Variants in PDE10A observed in about 807,000 individuals in gnomAD.
The protein encoded by PDE10A is phosphodiesterase 10A.
In PDE10A, 39 loss-of-function variants were observed where a neutral mutation model predicts 97.7. That is an observed-to-expected ratio of 0.40 (90% CI 0.31 to 0.52). PDE10A has a LOEUF of 0.52. Ranked by LOEUF, PDE10A falls within the 20% of genes least tolerant of loss-of-function variation. The probability of loss-of-function intolerance (pLI) is 0.56; values close to 1 mark genes in which losing one functional copy is unlikely to be tolerated. For missense variants in PDE10A, 731 were observed against 1,047.8 expected (o/e 0.70, Z 4.17); for synonymous variants, 371 against 376.8 (o/e 0.98, Z 0.18).
In PDE10A at chr6:165,633,254, G is replaced by T. The variant is rs374372383; in HGVS notation, c.865+28693C>A. On this transcript the variant is annotated intron_variant, in intron 1 of 21. Transcript: ENST00000539869. ...AGCTTTACATTTTTAAATCTTCAAGGAGAGGCTTAAGGCATCAAGGAGAGA... is the reference window on the plus strand; with the variant it reads ...AGCTTTACATTTTTAAATCTTCAAGTAGAGGCTTAAGGCATCAAGGAGAGA... 2.6e-5 allele frequency among the ~76,000 whole-genome samples: 4 copies of T among 152,160 alleles called. No individual in the cohort carries two copies. The East Asian group carries it at 5.8e-4, about 22-fold the overall frequency.
chr6:165,987,382 A>G, intron 1 of PDE10A: 3 of 314,874 alleles, frequency 9.5e-6, no homozygotes, highest in South Asian at 8.1e-5. Context: ...CACACCACAC[A>G]CGCGCACACG....
intron 1 of PDE10A, among the ~76,000 whole-genome samples, chr6:165,716,047 G>A (rs939498305): frequency 3.3e-5 from 5 of 152,124 alleles, no homozygotes; most frequent in African/African-American, 7.2e-5. Flanking sequence ...CAATTAGAAC[G>A]GAGCTGTTCT....
At chr6:165,510,836 A>G (rs1781467423) in intron 2 of PDE10A, among the ~76,000 whole-genome samples, 1 of 151,842 alleles carries the variant, frequency 6.6e-6, no homozygotes, top group Non-Finnish European at 1.5e-5. Context: ...ACAGTTTATG[A>G]TGATCTTTTG....
chr6:165,765,059 T>G (rs1005228251), intron 1 of PDE10A, among the ~76,000 whole-genome samples: 2 of 152,200 alleles, frequency 1.3e-5, no homozygotes, highest in African/African-American at 4.8e-5. Context: ...ATACAGAGTG[T>G]GGATTGGTGC....
intron 2 of PDE10A, among the ~76,000 whole-genome samples, chr6:165,538,817 T>C (rs1783251737): frequency 6.6e-6 from 1 of 152,226 alleles, no homozygotes; most frequent in Non-Finnish European, 1.5e-5. Context: ...CTAATGTTTA[T>C]TTAATAATAT....
At chr6:165,824,968 TAAA>T (rs71890265) in intron 1 of PDE10A, among the ~76,000 whole-genome samples, 2 of 92,384 alleles carry the variant, frequency 2.2e-5, no homozygotes, top group East Asian at 3.2e-4. Context: ...CCGTCTCTAC[TAAA>T]AAAAAAAAAA....
intron 1 of PDE10A, among the ~76,000 whole-genome samples, chr6:165,824,212 G>T (rs1335419221): frequency 3.9e-5 from 6 of 152,164 alleles, no homozygotes; most frequent in African/African-American, 1.4e-4. Flanking sequence ...ACCTGTAATA[G>T]ATTACGTTCA....
chr6:165,956,778 G>T (rs1478133453), intron 1 of PDE10A, among the ~76,000 whole-genome samples: 2 of 152,208 alleles, frequency 1.3e-5, no homozygotes, highest in Non-Finnish European at 2.9e-5. Flanking sequence ...GTCAACCATG[G>T]TATGGAATCC....
intron 1 of PDE10A, among the ~76,000 whole-genome samples, chr6:165,584,365 C>T (rs2128358449): frequency 6.6e-6 from 1 of 152,254 alleles, no homozygotes; most frequent in East Asian, 1.9e-4. Context: ...GGAGGAGGTA[C>T]TTTTCTTCCC....
chr6:165,436,047 C>G (rs751581165), intron 5 of PDE10A, among the ~76,000 whole-genome samples: 5 of 152,026 alleles, frequency 3.3e-5, no homozygotes, highest in Non-Finnish European at 7.4e-5. Context: ...GTTATTTTGA[C>G]GAAATCCAAA....
chr6:165,478,453 T>G (rs1779419595), intron 3 of PDE10A, among the ~76,000 whole-genome samples: 2 of 152,108 alleles, frequency 1.3e-5, no homozygotes, highest in African/African-American at 4.8e-5. Context: ...CCTTTGAAAT[T>G]CAGGCACAGC....
chr6:165,328,736 A>T lies in PDE10A; in HGVS notation c.*4289T>A, dbSNP rs1035462596. 2 of 152,260 alleles carry T rather than the reference A, an allele frequency of 1.3e-5. No individual in the cohort carries two copies. Among genetic ancestry groups the T allele is most frequent in the Non-Finnish European group, 2.9e-5 (2 of 68,042 alleles). 9.4% of individuals were successfully genotyped at this position (152,260 alleles called of 1,614,324 possible). Reference sequence around the variant, plus strand: ...TGTTCTATCTTCTTAATTTAGAACCAGCACACCGTTGACACTTTTTAATTT... The same window carrying T: ...TGTTCTATCTTCTTAATTTAGAACCTGCACACCGTTGACACTTTTTAATTT... On this transcript the variant is annotated 3_prime_UTR_variant, in exon 22 of 22. Transcript: ENST00000539869.
chr6:165,536,775 T>C (rs1783111272), intron 2 of PDE10A, among the ~76,000 whole-genome samples: 1 of 151,930 alleles, frequency 6.6e-6, no homozygotes. Context: ...TCAGTTAAAA[T>C]GACTGTTGTC....
At chr6:165,896,215 C>T (rs758752319) in intron 1 of PDE10A, among the ~76,000 whole-genome samples, 3 of 152,150 alleles carry the variant, frequency 2.0e-5, no homozygotes, top group African/African-American at 4.8e-5. Flanking sequence ...CTGTCGAAGC[C>T]GTTTCACCTT....
chr6:165,639,244 T>C (rs766782056), intron 1 of PDE10A, among the ~76,000 whole-genome samples: 4 of 152,198 alleles, frequency 2.6e-5, no homozygotes, highest in African/African-American at 4.8e-5. Flanking sequence ...AAATTCAAAC[T>C]AGTCAATATT....
At chr6:165,910,234 G>C (rs997844069) in intron 1 of PDE10A, among the ~76,000 whole-genome samples, 1 of 152,160 alleles carries the variant, frequency 6.6e-6, no homozygotes, top group African/African-American at 2.4e-5. Flanking sequence ...GGACTCAAGA[G>C]AGCGCTAAGG....
chr6:165,593,532 C>T (rs905018856), intron 1 of PDE10A, among the ~76,000 whole-genome samples: 2 of 152,092 alleles, frequency 1.3e-5, no homozygotes, highest in Non-Finnish European at 2.9e-5. Context: ...AGCACAAATA[C>T]GGGGTACTAC....
intron 1 of PDE10A, among the ~76,000 whole-genome samples, chr6:165,916,913 G>T (rs751543658): frequency 6.6e-6 from 1 of 152,034 alleles, no homozygotes. Context: ...GCTCTCCCTC[G>T]CCCAGACCCC....
chr6:165,751,655 C>A (rs987381440), intron 1 of PDE10A, among the ~76,000 whole-genome samples: 2 of 152,178 alleles, frequency 1.3e-5, no homozygotes, highest in African/African-American at 4.8e-5. Flanking sequence ...CGGCCAAAAC[C>A]AGCAGATGAC....
Sources: gnomAD v4.1 joint callset for allele counts (sites outside exome capture counted in the v4.1 genomes callset) on GRCh38, gnomAD v4.1.1 for gene constraint, MANE v1.5 for transcripts, NCBI Gene and HGNC (gene_info 2026-07-23, HGNC 2026-07-21) for gene names.